The following CAST variants were observed in gnomAD, a reference collection of about 807,000 sequenced individuals.
The protein encoded by CAST is calpastatin.
In CAST, 76 loss-of-function variants were observed where a neutral mutation model predicts 119.6. That is an observed-to-expected ratio of 0.64 (90% confidence interval 0.53 to 0.77). CAST has a LOEUF of 0.77. Among genes scored for constraint, CAST ranks in the 30% least tolerant of loss-of-function variants. CAST has a pLI of 0.00. For missense variants in CAST, 953 were observed against 946.5 expected, an observed-to-expected ratio of 1.01 and a Z score of -0.09; for synonymous variants, 319 against 331.6, an observed-to-expected ratio of 0.96 and a Z score of 0.41.
the CAST span, among the ~76,000 whole-genome samples, chr5:96,352,443 G>A: frequency 3.9e-5 from 6 of 152,074 alleles, no homozygotes; most frequent in Non-Finnish European, 7.4e-5. Flanking sequence ...CAATGTACCA[G>A]GCAACTGTTT....
At chr5:96,595,729 T>C (rs1747041983) in intron 1 of CAST, among the ~76,000 whole-genome samples, 1 of 151,886 alleles carries the variant, frequency 6.6e-6, no homozygotes, top group Non-Finnish European at 1.5e-5. Flanking sequence ...AAGAAGAACA[T>C]AGAGAAAATA....
chr5:96,079,099 C>T, the CAST span: 1 of 467,964 alleles, frequency 2.1e-6, no homozygotes, highest in South Asian at 1.6e-5. Flanking sequence ...TAAAAAAAAA[C>T]CTATTTAAAT....
At chr5:96,705,109 C>A (rs1754669993) in intron 3 of CAST, among the ~76,000 whole-genome samples, 1 of 152,024 alleles carries the variant, frequency 6.6e-6, no homozygotes, top group South Asian at 2.1e-4. Context: ...CGCTTGAGGC[C>A]AGGAGTTTGA....
At chr5:96,076,880 T>G in the CAST span, among the ~76,000 whole-genome samples, 1 of 151,870 alleles carries the variant, frequency 6.6e-6, no homozygotes, top group African/African-American at 2.4e-5. Context: ...ATTTAAAAGT[T>G]AATTAGTAAT....
the CAST span, among the ~76,000 whole-genome samples, chr5:96,506,447 A>C: frequency 6.1e-3 from 933 of 152,354 alleles, 8 homozygotes; most frequent in African/African-American, 0.021. Context: ...AGTTGGAGGA[A>C]GCACCAACCC....
chr5:96,182,369 C>T, the CAST span, among the ~76,000 whole-genome samples: 2 of 152,168 alleles, frequency 1.3e-5, no homozygotes, highest in Non-Finnish European at 2.9e-5. Context: ...ATGAGTTTCC[C>T]CTTTGGAACC....
At chr5:96,469,183 C>T in the CAST span, among the ~76,000 whole-genome samples, 171 of 152,182 alleles carry the variant, frequency 1.1e-3, 2 homozygotes, top group South Asian at 0.034. Flanking sequence ...AACTCAACCA[C>T]GGAGTGATTT....
the CAST span, among the ~76,000 whole-genome samples, chr5:96,105,139 A>G: frequency 1.4e-5 from 2 of 145,786 alleles, no homozygotes; most frequent in Non-Finnish European, 3.0e-5. Context: ...TTTTGGGCTG[A>G]GACAATGGGG....
the CAST span, among the ~76,000 whole-genome samples, chr5:96,254,876 G>C: frequency 2.8e-4 from 43 of 152,218 alleles, no homozygotes; most frequent in African/African-American, 9.1e-4. Context: ...TGTATCCAGA[G>C]CTGGAATTTT....
chr5:96,054,408 C>A, the CAST span, among the ~76,000 whole-genome samples: 1 of 152,038 alleles, frequency 6.6e-6, no homozygotes, highest in Non-Finnish European at 1.5e-5. Context: ...AGCAAACCAC[C>A]ATGCCTGGCT....
chr5:96,599,282 A>T (rs116965463), intron 1 of CAST, among the ~76,000 whole-genome samples: 1,554 of 152,272 alleles, frequency 0.01, 33 homozygotes, highest in East Asian at 0.055. Flanking sequence ...TTAGTGCCCC[A>T]ATCTGTCCTC....
the CAST span, among the ~76,000 whole-genome samples, chr5:96,094,217 G>A: frequency 6.6e-6 from 1 of 152,170 alleles, no homozygotes; most frequent in African/African-American, 2.4e-5. Context: ...TACCTAGAAT[G>A]TTTGTTCTCT....
the CAST span, among the ~76,000 whole-genome samples, chr5:96,072,808 G>A: frequency 1.3e-5 from 2 of 152,286 alleles, no homozygotes; most frequent in East Asian, 1.9e-4. Context: ...CTTTGGTTAA[G>A]GCAGTGGTTT....
the CAST span, among the ~76,000 whole-genome samples, chr5:96,150,366 G>A: frequency 6.6e-6 from 1 of 152,196 alleles, no homozygotes; most frequent in Non-Finnish European, 1.5e-5. Context: ...TTCAGTGTTG[G>A]TAGAGGGGAT....
the CAST span, among the ~76,000 whole-genome samples, chr5:96,252,342 A>G: frequency 2.0e-5 from 3 of 152,142 alleles, no homozygotes; most frequent in African/African-American, 7.2e-5. Context: ...TTTTTAATGA[A>G]TAGTATTCAT....
the CAST span, among the ~76,000 whole-genome samples, chr5:96,181,444 G>A: frequency 3.9e-5 from 6 of 152,168 alleles, no homozygotes; most frequent in Non-Finnish European, 8.8e-5. Flanking sequence ...TTGGGACACG[G>A]AGCATCAAAT....
At chr5:96,707,834 GA>G (rs1360520634) in intron 3 of CAST, among the ~76,000 whole-genome samples, 1 of 152,072 alleles carries the variant, frequency 6.6e-6, no homozygotes, top group Non-Finnish European at 1.5e-5. Flanking sequence ...CAAAGACCTA[GA>G]CCACACCTCA....
the CAST span, among the ~76,000 whole-genome samples, chr5:96,428,261 A>T: frequency 5.3e-5 from 8 of 152,220 alleles, no homozygotes; most frequent in East Asian, 1.5e-3. Flanking sequence ...ATATATATAT[A>T]TTTTCCCCCT....
At chr5:96,630,665 A>G (rs1182606523) in intron 1 of CAST, among the ~76,000 whole-genome samples, 2 of 152,126 alleles carry the variant, frequency 1.3e-5, no homozygotes, top group African/African-American at 4.8e-5. Flanking sequence ...GCATGCCTGT[A>G]ATCCCAGCTA....
Sources: gnomAD v4.1 joint callset for allele counts (sites outside exome capture counted in the v4.1 genomes callset) on GRCh38, gnomAD v4.1.1 for gene constraint, MANE v1.5 for transcripts, NCBI Gene and HGNC (gene_info 2026-07-23, HGNC 2026-07-21) for gene names.